CIMIP6: variants seen among roughly 807,000 people sequenced by gnomAD.
CIMIP6 encodes the protein uncharacterized protein C2orf73.
the CIMIP6 span, among the ~76,000 whole-genome samples, chr2:54,347,746 A>C: frequency 2.0e-5 from 3 of 152,134 alleles, no homozygotes; most frequent in Non-Finnish European, 4.4e-5. Flanking sequence ...GAGTCCCATA[A>C]GCAGTCCTCT....
the CIMIP6 span, among the ~76,000 whole-genome samples, chr2:54,336,458 G>A: frequency 2.0e-5 from 3 of 152,128 alleles, no homozygotes; most frequent in African/African-American, 7.2e-5. Flanking sequence ...CACTTGCCAT[G>A]TGACTTTGGG....
At chr2:54,363,147 G>A in the CIMIP6 span, among the ~76,000 whole-genome samples, 5 of 152,164 alleles carry the variant, frequency 3.3e-5, no homozygotes, top group Admixed American at 1.3e-4. Context: ...TGTGAACCTC[G>A]CACTCTGGGT....
At chr2:54,360,667 A>C in the CIMIP6 span, 1 of 1,130,484 alleles carries the variant, frequency 8.8e-7, no homozygotes, top group African/African-American at 1.6e-5. Context: ...ACTTCAGAAC[A>C]TACAATTTAT....
chr2:54,376,860 G>A, the CIMIP6 span, among the ~76,000 whole-genome samples: 1 of 152,204 alleles, frequency 6.6e-6, no homozygotes, highest in Non-Finnish European at 1.5e-5. Flanking sequence ...TCCCAGCTGG[G>A]CACTGTTAGC....
the CIMIP6 span, among the ~76,000 whole-genome samples, chr2:54,373,973 G>A: frequency 6.6e-6 from 1 of 152,130 alleles, no homozygotes; most frequent in Non-Finnish European, 1.5e-5. Context: ...CTGCCATTAA[G>A]TCTCCACATC....
chr2:54,353,771 C>T, the CIMIP6 span, among the ~76,000 whole-genome samples: 1 of 152,080 alleles, frequency 6.6e-6, no homozygotes, highest in Non-Finnish European at 1.5e-5. Flanking sequence ...GATGTTCTGT[C>T]CCATTAGTTC....
At chr2:54,344,181 T>C in the CIMIP6 span, among the ~76,000 whole-genome samples, 1 of 152,202 alleles carries the variant, frequency 6.6e-6, no homozygotes, top group Non-Finnish European at 1.5e-5. Context: ...TTGTAACTAT[T>C]GTCACTTCAA....
At chr2:54,341,981 A>G in the CIMIP6 span, among the ~76,000 whole-genome samples, 3 of 152,176 alleles carry the variant, frequency 2.0e-5, no homozygotes, top group Non-Finnish European at 4.4e-5. Context: ...AAGTAGTCTT[A>G]ATTTTTTAAA....
the CIMIP6 span, chr2:54,330,945 G>C: frequency 6.2e-7 from 1 of 1,611,620 alleles, no homozygotes; most frequent in Non-Finnish European, 8.5e-7. Context: ...CTTCCCAGGA[G>C]GCTCCTCGCT....
chr2:54,375,973 C>G, the CIMIP6 span, among the ~76,000 whole-genome samples: 2 of 152,002 alleles, frequency 1.3e-5, no homozygotes, highest in African/African-American at 2.4e-5. Flanking sequence ...AAGCAACTCC[C>G]TTTTTTAGCT....
At chr2:54,376,734 G>T in the CIMIP6 span, among the ~76,000 whole-genome samples, 1 of 152,194 alleles carries the variant, frequency 6.6e-6, no homozygotes, top group Non-Finnish European at 1.5e-5. Flanking sequence ...GCCACCAACT[G>T]CTGTGAATGG....
chr2:54,361,582 T>G, the CIMIP6 span: 1 of 152,182 alleles, frequency 6.6e-6, no homozygotes, highest in Non-Finnish European at 1.5e-5. Context: ...AACTGCAAAA[T>G]AATGAATGTC....
the CIMIP6 span, chr2:54,360,700 G>C: frequency 2.1e-6 from 2 of 951,072 alleles, no homozygotes; most frequent in South Asian, 2.2e-5. Context: ...AGAGAAAAAA[G>C]ACAATTAAAA....
chr2:54,343,880 T>C, the CIMIP6 span: 42 of 1,579,934 alleles, frequency 2.7e-5, no homozygotes, highest in African/African-American at 5.5e-4. Context: ...ATAGGTAAGG[T>C]TTTGCAGTGG....
chr2:54,361,891 A>G, the CIMIP6 span, among the ~76,000 whole-genome samples: 2 of 152,216 alleles, frequency 1.3e-5, no homozygotes, highest in African/African-American at 4.8e-5. Context: ...CAAAGTAGAA[A>G]GATAGAATTG....
At chr2:54,370,993 C>G in the CIMIP6 span, among the ~76,000 whole-genome samples, 1 of 152,172 alleles carries the variant, frequency 6.6e-6, no homozygotes, top group Non-Finnish European at 1.5e-5. Flanking sequence ...TGTGTTATGA[C>G]AGGCATTTGA....
chr2:54,332,966 A>G, the CIMIP6 span, among the ~76,000 whole-genome samples: 11 of 152,246 alleles, frequency 7.2e-5, no homozygotes, highest in Non-Finnish European at 1.2e-4. Context: ...GCAGGGAACT[A>G]GAATCCAAGG....
At chr2:54,331,549 C>T in the CIMIP6 span, among the ~76,000 whole-genome samples, 2 of 152,096 alleles carry the variant, frequency 1.3e-5, no homozygotes, top group Non-Finnish European at 2.9e-5. Flanking sequence ...ACGCCCCTTA[C>T]CGTTTCTTGC....
At chr2:54,381,985 A>G in the CIMIP6 span, 2 of 1,544,182 alleles carry the variant, frequency 1.3e-6, no homozygotes, top group Non-Finnish European at 8.7e-7. Flanking sequence ...ATACATTCAC[A>G]GTAAGTATTA....
Sources: allele counts gnomAD v4.1 joint callset (sites outside exome capture counted in the v4.1 genomes callset), GRCh38; gene constraint gnomAD v4.1.1; transcripts MANE v1.5; gene names NCBI Gene and HGNC (gene_info 2026-07-23, HGNC 2026-07-21).